The following PIEZO2 variants were observed in gnomAD, a reference collection of about 807,000 sequenced individuals.
PIEZO2 encodes piezo-type mechanosensitive ion channel component 2.
A neutral mutation model predicts 337.3 loss-of-function variants in PIEZO2; 172 were observed. The ratio of observed to expected loss-of-function variants is 0.51; its 90% CI spans 0.45 to 0.58. The LOEUF is 0.58. Ranked by LOEUF, PIEZO2 falls within the 20% of genes least tolerant of loss-of-function variation. PIEZO2 has a pLI of 0.00. For missense variants in PIEZO2, 3,028 were observed against 3,391.3 expected, an observed-to-expected ratio of 0.89 and a Z score of 2.66; for synonymous variants, 1,251 against 1,228.5, an observed-to-expected ratio of 1.02 and a Z score of -0.38.
intron 7 of PIEZO2, among the ~76,000 whole-genome samples, chr18:10,832,297 A>G (rs1285641813): frequency 6.6e-6 from 1 of 151,956 alleles, no homozygotes; most frequent in Non-Finnish European, 1.5e-5. Flanking sequence ...GGCCTAGAAC[A>G]TTTCTACTTT....
rs1469175747 is a variant in PIEZO2, at chr18:10,888,474, A to G, written c.330-17059T>C. Among the ~76,000 whole-genome samples the G allele has an allele frequency of 2.0e-5, 3 of 152,118 alleles. No homozygotes were observed. Among genetic ancestry groups the G allele is most frequent in the African/African-American group, 7.2e-5 (3 of 41,418 alleles). On this transcript the variant is annotated intron_variant, in intron 4 of 55. Coordinates refer to ENST00000674853, the MANE Select transcript of PIEZO2 (RefSeq NM_001378183.1). This position sits in a 1 kb window ranked among gnomAD's most constrained non-coding sequence, Gnocchi z 4.1. ...CTATTTTCTTTTTGTGCACCCTGGTATTCAGAGCTGGGCACTTGGAGTAGC... is the reference window on the plus strand; with the variant it reads ...CTATTTTCTTTTTGTGCACCCTGGTGTTCAGAGCTGGGCACTTGGAGTAGC...
intron 1 of PIEZO2, among the ~76,000 whole-genome samples, chr18:11,134,322 T>C (rs1232045224): frequency 6.6e-6 from 1 of 152,212 alleles, no homozygotes; most frequent in African/African-American, 2.4e-5. Context: ...GAATATCTAG[T>C]TTCTAAGACT....
chr18:10,858,122 C>T (rs1232432497), intron 5 of PIEZO2, among the ~76,000 whole-genome samples: 2 of 150,140 alleles, frequency 1.3e-5, no homozygotes, highest in African/African-American at 4.9e-5. Context: ...GAGATCAAGA[C>T]CATCCTGGCC....
chr18:10,699,976 G>C (rs2143723938), intron 43 of PIEZO2, among the ~76,000 whole-genome samples: 1 of 152,304 alleles, frequency 6.6e-6, no homozygotes, highest in Non-Finnish European at 1.5e-5. Flanking sequence ...CTCCGAGAAT[G>C]ATCAATCCAC....
chr18:10,814,068 T>G (rs140738398), intron 7 of PIEZO2, among the ~76,000 whole-genome samples: 4 of 151,686 alleles, frequency 2.6e-5, no homozygotes, highest in Non-Finnish European at 4.4e-5. Flanking sequence ...CCCTGGTTCA[T>G]GCCATCCTCC....
At position 10,671,534 on chromosome 18, in the gene PIEZO2, G is replaced by A; in HGVS notation, c.8591C>T (p.Thr2864Ile). 3 of 1,607,746 alleles carry A rather than the reference G, an allele frequency of 1.9e-6. No individual in the cohort carries two copies. Among genetic ancestry groups the A allele is most frequent in the Non-Finnish European group, 2.5e-6 (3 of 1,177,338 alleles). ...ETMIKWTREKTN is the reference protein window; with the variant it reads ...ETMIKWTREKIN ...AGTCTGTGTTCTAAGGTTTCAATTT[G>A]TTTTTTCTCTAGTCCATTTGATCAT... Residue 2864 changes from threonine to isoleucine, a missense_variant, in exon 56 of 56, where the codon ACA becomes ATA. By Grantham distance (89) the Thr-to-Ile change is moderately conservative (BLOSUM62 -1). Transcript: ENST00000674853.
intron 2 of PIEZO2, among the ~76,000 whole-genome samples, chr18:11,042,818 G>A (rs1787221870): frequency 6.6e-6 from 1 of 152,166 alleles, no homozygotes. Flanking sequence ...TAAAATGTCA[G>A]TATGTAACTC....
chr18:11,107,893 C>G (rs764933680), intron 1 of PIEZO2, among the ~76,000 whole-genome samples: 1 of 152,182 alleles, frequency 6.6e-6, no homozygotes, highest in Admixed American at 6.5e-5. Context: ...TGCTTGGCAA[C>G]GGCTTTAAGT....
At position 11,076,847 on chromosome 18, in the gene PIEZO2, G is replaced by A. The variant is rs76141843; in HGVS notation, c.65-10625C>T. On this transcript the variant is annotated intron_variant, in intron 1 of 55. Coordinates refer to ENST00000674853, the MANE Select transcript of PIEZO2 (RefSeq NM_001378183.1). ...TTGAATACAGTTTGCATAATTTTAA[G>A]GAAAGAATAGCAGTGCTTCTTCCTC... Among the ~76,000 whole-genome samples the A allele has an allele frequency of 5.3e-3, 808 of 152,138 alleles. 7 individuals carry two copies. Among genetic ancestry groups the A allele is most frequent in the South Asian group, 0.022 (104 of 4,804 alleles).
intron 1 of PIEZO2, among the ~76,000 whole-genome samples, chr18:11,142,944 T>C (rs913418889): frequency 2.0e-5 from 3 of 152,084 alleles, no homozygotes; most frequent in African/African-American, 7.2e-5. Context: ...CCGGGTGTGG[T>C]GGCACGCACC....
At chr18:10,975,091 G>C (rs555824061) in intron 3 of PIEZO2, among the ~76,000 whole-genome samples, 28 of 152,294 alleles carry the variant, frequency 1.8e-4, no homozygotes, top group Admixed American at 3.3e-4. Flanking sequence ...AATTGAAAAA[G>C]GAATAGAATA....
At chr18:10,787,800 AT>A (rs2039275767) in intron 15 of PIEZO2, among the ~76,000 whole-genome samples, 1 of 152,122 alleles carries the variant, frequency 6.6e-6, no homozygotes, top group African/African-American at 2.4e-5. Context: ...CCTGCAAGAT[AT>A]TTTACTCTTT....
intron 36 of PIEZO2, among the ~76,000 whole-genome samples, chr18:10,730,810 T>G (rs2036735538): frequency 6.6e-6 from 1 of 152,170 alleles, no homozygotes; most frequent in Admixed American, 6.5e-5. Context: ...CACTGCAAGC[T>G]CCGCCTCCCG....
chr18:10,808,739 G>A (rs1476560707), intron 7 of PIEZO2, among the ~76,000 whole-genome samples: 1 of 152,128 alleles, frequency 6.6e-6, no homozygotes, highest in African/African-American at 2.4e-5. Context: ...ACTTAGAATG[G>A]TAGAACTTTC....
intron 7 of PIEZO2, among the ~76,000 whole-genome samples, chr18:10,845,273 A>AAT (rs1207909441): frequency 7.2e-5 from 11 of 151,978 alleles, no homozygotes; most frequent in Non-Finnish European, 1.6e-4. Context: ...TCACTGGGAG[A>AAT]ATACCAAGAA....
chr18:10,734,286 AT>A (rs1465980821), intron 35 of PIEZO2, among the ~76,000 whole-genome samples: 4 of 152,252 alleles, frequency 2.6e-5, no homozygotes, highest in African/African-American at 4.8e-5. Context: ...GGATCCTGGC[AT>A]TTTAAAAGCA....
chr18:10,931,697 G>GGTGTGTGTGTGTGTGTGTGTGT (rs369138997), intron 3 of PIEZO2, among the ~76,000 whole-genome samples: 153 of 143,546 alleles, frequency 1.1e-3, no homozygotes, highest in African/African-American at 3.6e-3. Flanking sequence ...TTCTCTGTGT[G>GGTGTGTGTGTGTGTGTGTGTGT]GTGTGTGTGT....
At chr18:10,814,208 A>T (rs1229691059) in intron 7 of PIEZO2, among the ~76,000 whole-genome samples, 1 of 151,950 alleles carries the variant, frequency 6.6e-6, no homozygotes, top group African/African-American at 2.4e-5. Context: ...TGACCTCATG[A>T]TCTGCCCGCC....
At chr18:11,059,066 A>C (rs1484206491) in intron 2 of PIEZO2, among the ~76,000 whole-genome samples, 1 of 152,258 alleles carries the variant, frequency 6.6e-6, no homozygotes, top group Non-Finnish European at 1.5e-5. Flanking sequence ...TCTCGGCAGA[A>C]ACTCTACAAG....
Sources: allele counts gnomAD v4.1 joint callset (sites outside exome capture counted in the v4.1 genomes callset), GRCh38; gene constraint gnomAD v4.1.1; non-coding constraint Gnocchi (gnomAD v3.1); transcripts MANE v1.5; gene names NCBI Gene and HGNC (gene_info 2026-07-23, HGNC 2026-07-21).